The following DHRSX variants were observed in gnomAD, a reference collection of about 807,000 sequenced individuals.
DHRSX encodes the protein dehydrogenase/reductase X-linked.
DHRSX carries 31 observed loss-of-function variants against 34.0 expected under a neutral mutation model. The observed-to-expected ratio is 0.91, with a 90% CI of 0.69 to 1.23. DHRSX has a LOEUF of 1.23. Among genes scored for constraint, DHRSX ranks in the 50% most tolerant of loss-of-function variants. The pLI, the probability that DHRSX is intolerant of heterozygous loss-of-function variation, is 0.00. For synonymous variants in DHRSX, 201 were observed against 183.8 expected (o/e 1.09, Z -0.76); for missense variants, 414 against 428.1 (o/e 0.97, Z 0.29).
At chrX:2,412,511 C>CTT (rs112408827) in intron 2 of DHRSX, among the ~76,000 whole-genome samples, 114 of 145,318 alleles carry the variant, frequency 7.8e-4, no homozygotes, top group African/African-American at 2.7e-3. Flanking sequence ...AAGGGGTGGC[C>CTT]TTTTTTTTTT....
At chrX:2,410,290 A>G (rs2043609082) in intron 2 of DHRSX, among the ~76,000 whole-genome samples, 1 of 152,088 alleles carries the variant, frequency 6.6e-6, no homozygotes, top group African/African-American at 2.4e-5. Flanking sequence ...AGGGAGGGTC[A>G]CGGAAAAAGT....
chrX:2,247,292 C>A (rs1190531320), intron 5 of DHRSX, among the ~76,000 whole-genome samples: 1 of 151,326 alleles, frequency 6.6e-6, no homozygotes, highest in African/African-American at 2.4e-5. Flanking sequence ...ATAAAATGTC[C>A]AATATACACT....
At chrX:2,266,691 C>A (rs766008754) in intron 5 of DHRSX, 49 bp downstream of exon 5, 1 of 1,581,700 alleles carries the variant, frequency 6.3e-7, no homozygotes. Flanking sequence ...GATGAATAAC[C>A]TTTAACCCAC....
chrX:2,489,173 G>T, intron 1 of DHRSX: 1 of 1,613,592 alleles, frequency 6.2e-7, no homozygotes, highest in South Asian at 1.1e-5. Flanking sequence ...CTTGTCCTCA[G>T]CCGGCCGGTA....
intron 4 of DHRSX, among the ~76,000 whole-genome samples, chrX:2,283,064 A>AAG (rs889525273): frequency 7.3e-5 from 11 of 151,096 alleles, no homozygotes; most frequent in African/African-American, 1.2e-4. Context: ...GAGTTACAGA[A>AAG]AGAGAGAGAG....
At chrX:2,259,317 T>G (rs2041324002) in intron 5 of DHRSX, among the ~76,000 whole-genome samples, 1 of 147,092 alleles carries the variant, frequency 6.8e-6, no homozygotes, top group Non-Finnish European at 1.5e-5. Flanking sequence ...GATATAGATA[T>G]ATAGATAGAT....
chrX:2,344,247 G>C (rs1486235267), intron 3 of DHRSX, among the ~76,000 whole-genome samples: 3 of 152,132 alleles, frequency 2.0e-5, no homozygotes. Context: ...TGAATTTTTA[G>C]CCCATCATCA....
intron 3 of DHRSX, among the ~76,000 whole-genome samples, chrX:2,343,546 A>C (rs1013637080): frequency 6.6e-6 from 1 of 152,180 alleles, no homozygotes; most frequent in Non-Finnish European, 1.5e-5. Flanking sequence ...GTGGTCATGA[A>C]AGAACAGGGC....
chrX:2,372,749 C>A (rs1484427933), intron 3 of DHRSX, among the ~76,000 whole-genome samples: 1 of 151,894 alleles, frequency 6.6e-6, no homozygotes, highest in Non-Finnish European at 1.5e-5. Context: ...GCTGGGATTA[C>A]AGGCACCCGC....
intron 3 of DHRSX, among the ~76,000 whole-genome samples, chrX:2,353,048 C>G (rs1464039776): frequency 6.6e-6 from 1 of 152,056 alleles, no homozygotes; most frequent in Non-Finnish European, 1.5e-5. Context: ...TTGAGACCAG[C>G]CTGGGACAAA....
chrX:2,500,819 G>T lies in DHRSX; in HGVS notation c.107C>A (p.Pro36Gln). Residue 36 changes from proline (P) to glutamine (Q), a missense_variant and splice_region_variant, in exon 1 of 7, where the codon CCA becomes CAA. Physicochemically the swap from Pro to Gln is moderately conservative, Grantham distance 76. Coordinates refer to ENST00000334651, the MANE Select transcript of DHRSX (RefSeq NM_145177.3). Reference sequence around the variant, plus strand: ...GACCCCTGCCCCGCCCCGCTGACCTGGCTCCAGGAAGCCCCCGCGGCAGCG... The same window carrying T: ...GACCCCTGCCCCGCCCCGCTGACCTTGCTCCAGGAAGCCCCCGCGGCAGCG... ...LRRCRGGFLE[P>Q]VFPPRPDRVA... is the part of the protein sequence containing the mutation. 3.6e-6 allele frequency: 4 copies of T among 1,125,102 alleles called. No homozygotes were observed. Among genetic ancestry groups the T allele is most frequent in the Non-Finnish European group, 3.3e-6 (3 of 920,220 alleles). The allele number at this position is 1,125,102 out of a possible 1,614,324, so 69.7% of individuals were successfully genotyped here. A position where few individuals can be genotyped will look rare whatever the true frequency, so the allele number is the denominator to read the frequency against.
intron 3 of DHRSX, among the ~76,000 whole-genome samples, chrX:2,292,331 A>G (rs1569484585): frequency 6.6e-6 from 1 of 152,112 alleles, no homozygotes; most frequent in Non-Finnish European, 1.5e-5. Flanking sequence ...AACCATGTGA[A>G]TTTCGAAGAT....
chrX:2,492,765 G>A (rs1000806578), intron 1 of DHRSX, among the ~76,000 whole-genome samples: 4 of 152,198 alleles, frequency 2.6e-5, no homozygotes, highest in Non-Finnish European at 4.4e-5. Flanking sequence ...CACCCTCCGC[G>A]TAAGCCTCCG....
At chrX:2,254,964 C>CT (rs769097084) in intron 5 of DHRSX, among the ~76,000 whole-genome samples, 3,256 of 97,422 alleles carry the variant, frequency 0.033, 165 homozygotes, top group African/African-American at 0.14. Context: ...CCTTTTTTTT[C>CT]TTTTTTTTTT....
intron 3 of DHRSX, among the ~76,000 whole-genome samples, chrX:2,298,493 C>T (rs1002725110): frequency 2.0e-5 from 3 of 151,276 alleles, no homozygotes; most frequent in African/African-American, 7.3e-5. Flanking sequence ...ATCCTGACTC[C>T]AGCACACTCA....
chrX:2,346,805 CTA>C (rs1250181848), intron 3 of DHRSX, among the ~76,000 whole-genome samples: 7 of 152,120 alleles, frequency 4.6e-5, no homozygotes, highest in Non-Finnish European at 8.8e-5. Context: ...CCCCAGTCCC[CTA>C]CTCCCCGACA....
Position 2,220,274 on chromosome X carries a change from C to T in DHRSX, c.*767G>A, listed in dbSNP as rs2015493192. On this transcript the variant is annotated 3_prime_UTR_variant, in exon 7 of 7. Transcript: ENST00000334651. The stretch of plus-strand genomic sequence containing the variant: ...CCTCTACCTGTCTCTGATAAGAACC[C>T]TCGTGATGGCATTAGGTTCACTGGG... 6.6e-6 allele frequency: 1 copy of T among 152,152 alleles called. No homozygotes were observed. Among genetic ancestry groups the T allele is most frequent in the South Asian group, 2.1e-4 (1 of 4,826 alleles). The allele number at this position is 152,152 out of a possible 1,614,324, so 9.4% of individuals were successfully genotyped here.
Position 2,375,149 on chromosome X carries a change from G to A in DHRSX, c.286+33596C>T, listed in dbSNP as rs779827294. Among the ~76,000 whole-genome samples, 8 of 138,318 alleles carry A rather than the reference G, an allele frequency of 5.8e-5. 2 individuals carry two copies. Among genetic ancestry groups the A allele is most frequent in the South Asian group, 4.5e-4 (2 of 4,420 alleles). The allele number at this position is 138,318 out of a possible 152,430, so 90.7% of individuals were successfully genotyped here. A position where few individuals can be genotyped will look rare whatever the true frequency, so the allele number is the denominator to read the frequency against. ...ACAACACTGTGACTACAGGACAAGC[G>A]GTCACGCTGTCATGGAAGGATGGAG... is the stretch of plus-strand genomic sequence containing the variant. On this transcript the variant is annotated intron_variant, in intron 3 of 6. Transcript: ENST00000334651.
chrX:2,307,764 CAAA>C (rs373601749), intron 3 of DHRSX, among the ~76,000 whole-genome samples: 2 of 112,244 alleles, frequency 1.8e-5, no homozygotes, highest in Non-Finnish European at 1.9e-5. Context: ...GACTCCCTCT[CAAA>C]AAAAAAAAAA....
Sources: allele counts gnomAD v4.1 joint callset (sites outside exome capture counted in the v4.1 genomes callset), GRCh38; gene constraint gnomAD v4.1.1; transcripts MANE v1.5; gene names NCBI Gene and HGNC (gene_info 2026-07-23, HGNC 2026-07-21).